PBX3: variants seen among roughly 807,000 people sequenced by gnomAD.
PBX3 encodes PBX homeobox 3.
Under a neutral mutation model 48.5 loss-of-function variants are expected in PBX3, and 14 were observed. The observed-to-expected ratio is 0.29, with a 90% CI of 0.19 to 0.45. The LOEUF (loss-of-function observed/expected upper bound fraction) is 0.45, where lower values mean the gene tolerates loss of function less well. Among genes scored for constraint, PBX3 ranks in the 20% least tolerant of loss-of-function variants. The probability of loss-of-function intolerance (pLI) is 1.00; values close to 1 mark genes in which losing one functional copy is unlikely to be tolerated. For missense variants in PBX3, 386 were observed against 546.7 expected (o/e 0.71, Z 2.93); for synonymous variants, 210 against 200.3 (o/e 1.05, Z -0.41).
intron 2 of PBX3, among the ~76,000 whole-genome samples, chr9:125,790,242 A>C (rs1027507286): frequency 5.3e-5 from 8 of 151,214 alleles, no homozygotes; most frequent in Non-Finnish European, 8.8e-5. Flanking sequence ...TGCAGAGACT[A>C]TTTCTTTCTT....
chr9:125,864,965 T>G (rs1839946594), intron 2 of PBX3, among the ~76,000 whole-genome samples: 1 of 152,268 alleles, frequency 6.6e-6, no homozygotes, highest in South Asian at 2.1e-4. Flanking sequence ...GACTTGTCTG[T>G]GCTCATATAG....
At position 125,861,097 on chromosome 9, in the gene PBX3, G is replaced by A. The variant is rs868201795; in HGVS notation, c.275-54589G>A. On this transcript the variant is annotated intron_variant, in intron 2 of 8. Coordinates refer to ENST00000373489, the MANE Select transcript of PBX3 (RefSeq NM_006195.6). ...ACCCAGAAGTCTGAGCCCAGCCTGG[G>A]CAACATGGTGAAACCTGGTCTCTAC... is the stretch of plus-strand genomic sequence containing the variant. Among the ~76,000 whole-genome samples, 5 of 151,936 alleles carry A rather than the reference G, an allele frequency of 3.3e-5. No individual in the cohort carries two copies. The Middle Eastern group carries it at 0.014, about 413-fold the overall frequency.
At chr9:125,783,808 G>A (rs142538046) in intron 2 of PBX3, among the ~76,000 whole-genome samples, 13 of 151,928 alleles carry the variant, frequency 8.6e-5, no homozygotes, top group African/African-American at 3.1e-4. Flanking sequence ...AGACCAGGCT[G>A]GCCAACATGA....
intron 2 of PBX3, among the ~76,000 whole-genome samples, chr9:125,770,468 C>G (rs1302810076): frequency 1.3e-5 from 2 of 151,952 alleles, no homozygotes; most frequent in African/African-American, 4.8e-5. Context: ...CTTGTATTAC[C>G]TTGAGATCTT....
intron 2 of PBX3, among the ~76,000 whole-genome samples, chr9:125,903,369 C>A (rs1216459745): frequency 6.6e-6 from 1 of 151,798 alleles, no homozygotes; most frequent in Non-Finnish European, 1.5e-5. Flanking sequence ...ACAACAGAGG[C>A]CAGAATTTGT....
intron 2 of PBX3, among the ~76,000 whole-genome samples, chr9:125,841,037 TAC>T (rs1199869178): frequency 3.9e-5 from 6 of 152,272 alleles, no homozygotes; most frequent in African/African-American, 1.4e-4. Flanking sequence ...AATTATTATG[TAC>T]TAACACTAGG....
At chr9:125,946,131 T>A (rs755101659) in intron 5 of PBX3, among the ~76,000 whole-genome samples, 3 of 152,208 alleles carry the variant, frequency 2.0e-5, no homozygotes, top group Non-Finnish European at 4.4e-5. Flanking sequence ...ATCTTAGCAG[T>A]GAGTGCATCA....
chr9:125,844,682 A>G (rs573890529), intron 2 of PBX3: 1 of 152,230 alleles, frequency 6.6e-6, no homozygotes, highest in East Asian at 1.9e-4. Flanking sequence ...CAGCTAGTTC[A>G]TTACCTTAAT....
At chr9:125,848,491 T>C (rs894795430) in intron 2 of PBX3, among the ~76,000 whole-genome samples, 5 of 152,026 alleles carry the variant, frequency 3.3e-5, no homozygotes, top group Non-Finnish European at 5.9e-5. Flanking sequence ...CTGTGGTAGA[T>C]GCATAGTAAG....
At chr9:125,858,333 T>C (rs73667100) in intron 2 of PBX3, among the ~76,000 whole-genome samples, 5,485 of 152,352 alleles carry the variant, frequency 0.036, 347 homozygotes, top group African/African-American at 0.12. Context: ...CTCGTTTGTA[T>C]ATTGTTATGC....
intron 2 of PBX3, among the ~76,000 whole-genome samples, chr9:125,881,989 C>A (rs1840392528): frequency 6.6e-6 from 1 of 151,560 alleles, no homozygotes; most frequent in Admixed American, 6.6e-5. Context: ...TCATTTGAGG[C>A]CAGGAGTTCG....
chr9:125,804,079 A>C (rs1838047871), intron 2 of PBX3, among the ~76,000 whole-genome samples: 3 of 152,190 alleles, frequency 2.0e-5, no homozygotes, highest in African/African-American at 7.2e-5. Context: ...TGCTGTCATG[A>C]GTTTTCATGT....
At chr9:125,867,227 TAAA>T (rs548105913) in intron 2 of PBX3, among the ~76,000 whole-genome samples, 23 of 146,686 alleles carry the variant, frequency 1.6e-4, no homozygotes, top group African/African-American at 5.2e-4. Context: ...CCTGAAGTAT[TAAA>T]AAAAAAAAAT....
intron 5 of PBX3, among the ~76,000 whole-genome samples, chr9:125,948,708 G>GTA (rs1842121619): frequency 6.7e-6 from 1 of 150,294 alleles, no homozygotes. Flanking sequence ...GTATATACGT[G>GTA]TGTGTGTGTG....
At chr9:125,756,393 G>C (rs1412260883) in intron 2 of PBX3, among the ~76,000 whole-genome samples, 1 of 152,164 alleles carries the variant, frequency 6.6e-6, no homozygotes, top group Non-Finnish European at 1.5e-5. Flanking sequence ...TGGGGAAAGG[G>C]AGGAAGACAG....
intron 2 of PBX3, among the ~76,000 whole-genome samples, chr9:125,825,513 A>C (rs575282581): frequency 1.3e-5 from 2 of 151,040 alleles, no homozygotes; most frequent in South Asian, 4.2e-4. Context: ...AAATTCTTTA[A>C]TGTCTGGCTT....
At chr9:125,904,726 C>T (rs994030167) in intron 2 of PBX3, among the ~76,000 whole-genome samples, 2 of 151,870 alleles carry the variant, frequency 1.3e-5, no homozygotes, top group Non-Finnish European at 2.9e-5. Context: ...TGGGTATTGA[C>T]AGGGTGATTC....
At chr9:125,843,683 G>A in intron 2 of PBX3, 3 of 358,168 alleles carry the variant, frequency 8.4e-6, no homozygotes, top group East Asian at 9.3e-5. Context: ...TTAAAAATAA[G>A]TAATGGAATT....
chr9:125,761,144 T>C (rs1836655531), intron 2 of PBX3, among the ~76,000 whole-genome samples: 1 of 152,134 alleles, frequency 6.6e-6, no homozygotes, highest in Admixed American at 6.5e-5. Context: ...AACATAAATA[T>C]CTCAGTGCCA....
Sources: gnomAD v4.1 joint callset for allele counts (sites outside exome capture counted in the v4.1 genomes callset) on GRCh38, gnomAD v4.1.1 for gene constraint, MANE v1.5 for transcripts, NCBI Gene and HGNC (gene_info 2026-07-23, HGNC 2026-07-21) for gene names.